Variants in DNAH3 observed in about 807,000 individuals in gnomAD.
The protein encoded by DNAH3 is dynein axonemal heavy chain 3.
Under a neutral mutation model 432.5 loss-of-function variants are expected in DNAH3, and 332 were observed. That is an observed-to-expected ratio of 0.77 (90% confidence interval 0.70 to 0.84). DNAH3 has a LOEUF of 0.84. Ranked by LOEUF, DNAH3 falls within the 40% of genes least tolerant of loss-of-function variation. The probability of loss-of-function intolerance (pLI) is 0.00; values close to 1 mark genes in which losing one functional copy is unlikely to be tolerated. For synonymous variants in DNAH3, 1,956 were observed against 1,900.2 expected (o/e 1.03, Z -0.76); for missense variants, 4,861 against 5,114.0 (o/e 0.95, Z 1.51).
rs77607297 is a variant in DNAH3 at position 21,085,707 on chromosome 16, T to C, written c.2877+1142A>G. On this transcript the variant is annotated intron_variant, in intron 19 of 61. Transcript: ENST00000261383. ...TGTATTAAGAGAGTCTTCCTCTCTC[T>C]TCCTAGGGAGAACAAAGTGCTCCTT... is the stretch of plus-strand genomic sequence containing the variant. Among the ~76,000 whole-genome samples the C allele has an allele frequency of 5.3e-5, 8 of 152,132 alleles. No individual in the cohort carries two copies. In the East Asian group the frequency reaches 1.5e-3, roughly 29 times the overall value.
chr16:21,069,104 T>G (rs1237872811), intron 23 of DNAH3, among the ~76,000 whole-genome samples: 5 of 151,790 alleles, frequency 3.3e-5, no homozygotes, highest in Non-Finnish European at 7.4e-5. Context: ...TTTGTGTGTG[T>G]GTGTGTGTGT....
At position 21,049,999 on chromosome 16, in the gene DNAH3, T is replaced by A; in HGVS notation, c.4258A>T (p.Lys1420Ter). ...TCTGGAGCACCCCCAAGGTTCAGCT[T>A]CAAAGCTCCCATCAGTGTCCTATGG... The change falls in exon 30 of 62, where the codon AAG becomes TAG. Residue 1420 changes from lysine to a stop codon, truncating the protein, a stop_gained. Transcript: ENST00000261383. LOFTEE classifies it high-confidence loss of function. 2.5e-6 allele frequency: 4 copies of A among 1,614,118 alleles called. No individual in the cohort carries two copies. The highest frequency in any genetic ancestry group is 3.4e-6 in the Non-Finnish European group (4 of 1,179,974).
At chr16:20,957,531 G>A (rs368468980) in intron 54 of DNAH3, among the ~76,000 whole-genome samples, 1 of 152,148 alleles carries the variant, frequency 6.6e-6, no homozygotes, top group East Asian at 1.9e-4. Context: ...AGAATCCCTT[G>A]GCTGGGTGTG....
intron 57 of DNAH3, among the ~76,000 whole-genome samples, chr16:20,945,496 CTTTTT>C (rs71377698): frequency 6.9e-6 from 1 of 144,648 alleles, no homozygotes; most frequent in Non-Finnish European, 1.5e-5. Context: ...TATTCCTTTA[CTTTTT>C]TTTTTTTTTG....
chr16:21,103,845 T>C (rs1372884269), intron 16 of DNAH3: 1 of 152,448 alleles, frequency 6.6e-6, no homozygotes, highest in Non-Finnish European at 1.5e-5. Context: ...ACCATGTCCA[T>C]GGCACTGGCC....
chr16:20,981,341 G>A (rs778883021), intron 49 of DNAH3, among the ~76,000 whole-genome samples: 2 of 152,100 alleles, frequency 1.3e-5, no homozygotes, highest in South Asian at 2.1e-4. Flanking sequence ...AGGGTCTTCT[G>A]GTCTAGATAA....
intron 2 of DNAH3, 78 bp from the exon 4 acceptor site, chr16:21,145,484 T>C: frequency 7.9e-7 from 1 of 1,273,716 alleles, no homozygotes; most frequent in East Asian, 2.3e-5. Context: ...ACACTGAGGC[T>C]CACAAGAGTT....
At chr16:20,944,718 G>A in intron 57 of DNAH3, 55 bp from the exon 58 acceptor site, 1 of 1,581,150 alleles carries the variant, frequency 6.3e-7, no homozygotes, top group Admixed American at 1.7e-5. Context: ...TCCCACAGAT[G>A]ACTCCAGGCT....
intron 36 of DNAH3, among the ~76,000 whole-genome samples, chr16:21,031,583 C>T (rs1001932491): frequency 3.4e-5 from 5 of 147,904 alleles, no homozygotes; most frequent in African/African-American, 1.3e-4. Flanking sequence ...GCCTGAGCAA[C>T]AGAATGAAGC....
exon 1 of DNAH3, chr16:21,159,417 G>C (rs2092938787): frequency 1.2e-6 from 2 of 1,614,054 alleles, no homozygotes; most frequent in East Asian, 4.5e-5. Flanking sequence ...GCCAGTGTGA[G>C]CTCGAGGCGC....
intron 57 of DNAH3, among the ~76,000 whole-genome samples, chr16:20,947,209 C>T (rs775870636): frequency 3.9e-5 from 6 of 151,978 alleles, no homozygotes; most frequent in Non-Finnish European, 7.4e-5. Flanking sequence ...CATAAAAACC[C>T]AAGAAGACTG....
intron 15 of DNAH3, among the ~76,000 whole-genome samples, chr16:21,104,923 T>C (rs1425696182): frequency 6.6e-6 from 1 of 152,196 alleles, no homozygotes; most frequent in Non-Finnish European, 1.5e-5. Context: ...ATTGCCTTCC[T>C]AGGCTAGGTC....
Position 21,024,931 on chromosome 16 carries a change from T to C in DNAH3, c.5541-230A>G, listed in dbSNP as rs369075813. Among the ~76,000 whole-genome samples, 214 of 152,316 alleles carry C rather than the reference T, an allele frequency of 1.4e-3. 8 individuals are homozygous for C. The South Asian group carries it at 0.044, about 31-fold the overall frequency. ...TTTCTATATGTTCCTAAAATGTTTATTTGTTTGTTTGGAGACAGTGTCTTG... is the reference window on the plus strand; with the variant it reads ...TTTCTATATGTTCCTAAAATGTTTACTTGTTTGTTTGGAGACAGTGTCTTG... On this transcript the variant is annotated intron_variant, in intron 38 of 61. Coordinates refer to ENST00000261383, the Ensembl canonical transcript of DNAH3.
chr16:21,084,535 G>T (rs2091299613), intron 19 of DNAH3, among the ~76,000 whole-genome samples: 2 of 152,072 alleles, frequency 1.3e-5, no homozygotes, highest in African/African-American at 4.8e-5. Flanking sequence ...GGCCCGGGCT[G>T]GTTCTCAGAC....
chr16:21,024,190 C>T (rs1225852623), intron 39 of DNAH3, among the ~76,000 whole-genome samples: 1 of 152,090 alleles, frequency 6.6e-6, no homozygotes, highest in African/African-American at 2.4e-5. Context: ...GTGCAGAGTC[C>T]AGGTTACAGG....
At chr16:21,012,964 A>T (rs545045385) in intron 41 of DNAH3, among the ~76,000 whole-genome samples, 1 of 152,050 alleles carries the variant, frequency 6.6e-6, no homozygotes, top group South Asian at 2.1e-4. Flanking sequence ...CGGGATTTTG[A>T]CATGTTGCCC....
At chr16:21,094,963 G>A (rs1223479147) in intron 18 of DNAH3, among the ~76,000 whole-genome samples, 2 of 152,128 alleles carry the variant, frequency 1.3e-5, no homozygotes, top group African/African-American at 2.4e-5. Flanking sequence ...CCATGGTTGT[G>A]AGGCCTCCCC....
At chr16:20,987,918 C>G in intron 45 of DNAH3, 24 bp downstream of exon 45, 1 of 1,614,150 alleles carries the variant, frequency 6.2e-7, no homozygotes, top group Non-Finnish European at 8.5e-7. Flanking sequence ...GCCCACTATC[C>G]AGGAAGACAG....
chr16:21,145,244 C>G, exon 3 of DNAH3: 1 of 1,613,670 alleles, frequency 6.2e-7, no homozygotes, highest in Non-Finnish European at 8.5e-7. Context: ...GGTTGGTAGA[C>G]CTTCAGCAGA....
Sources: gnomAD v4.1 joint callset for allele counts (sites outside exome capture counted in the v4.1 genomes callset) on GRCh38, gnomAD v4.1.1 for gene constraint, MANE v1.5 for transcripts, NCBI Gene and HGNC (gene_info 2026-07-23, HGNC 2026-07-21) for gene names.